TTC3: variants seen among roughly 807,000 people sequenced by gnomAD.
The protein encoded by TTC3 is E3 ubiquitin-protein ligase TTC3.
TTC3 carries 180 observed loss-of-function variants against 249.6 expected under a neutral mutation model. That is an observed-to-expected ratio of 0.72 (90% confidence interval 0.64 to 0.82). The LOEUF (loss-of-function observed/expected upper bound fraction) is 0.82, where lower values mean the gene tolerates loss of function less well. Ranked by LOEUF, TTC3 falls within the 40% of genes least tolerant of loss-of-function variation. The pLI, the probability that TTC3 is intolerant of heterozygous loss-of-function variation, is 0.00. For missense variants in TTC3, 2,061 were observed against 2,398.4 expected (o/e 0.86, Z 2.94); for synonymous variants, 717 against 805.0 (o/e 0.89, Z 1.85).
At chr21:37,174,743 T>G (rs1371940037) in intron 35 of TTC3, among the ~76,000 whole-genome samples, 2 of 152,214 alleles carry the variant, frequency 1.3e-5, no homozygotes, top group African/African-American at 4.8e-5. Flanking sequence ...AGTAGCTTTG[T>G]GATGTTAGAC....
chr21:37,108,990 C>A (rs1478707829), intron 11 of TTC3, among the ~76,000 whole-genome samples: 1 of 151,962 alleles, frequency 6.6e-6, no homozygotes, highest in Non-Finnish European at 1.5e-5. Context: ...ATAAGAAACC[C>A]CGTAGAAAAT....
intron 6 of TTC3, chr21:37,090,551 C>A: frequency 1.1e-6 from 1 of 938,846 alleles, no homozygotes; most frequent in Non-Finnish European, 1.3e-6. Flanking sequence ...GATTATTTAC[C>A]TGGCTTATGT....
At chr21:37,147,333 A>G in intron 21 of TTC3, 148 bp from the exon 22 acceptor site, 1 of 663,456 alleles carries the variant, frequency 1.5e-6, no homozygotes, top group South Asian at 3.4e-5. Context: ...GAAAAACTTT[A>G]AAAGTTGTAT....
intron 1 of TTC3, among the ~76,000 whole-genome samples, chr21:37,084,621 A>G (rs2072162209): frequency 6.6e-6 from 1 of 152,222 alleles, no homozygotes; most frequent in Non-Finnish European, 1.5e-5. Context: ...AGGAAACAAG[A>G]GAGCCAGGAC....
chr21:37,120,315 T>C (rs1248365980), intron 11 of TTC3, among the ~76,000 whole-genome samples: 2 of 152,202 alleles, frequency 1.3e-5, no homozygotes, highest in African/African-American at 4.8e-5. Flanking sequence ...TAGGGAGGTC[T>C]GAATTAAGTC....
intron 32 of TTC3, 147 bp downstream of exon 32, chr21:37,164,362 A>G (rs2081058205): frequency 4.0e-6 from 3 of 745,122 alleles, no homozygotes; most frequent in Non-Finnish European, 6.1e-6. Context: ...TTTTTGAGAC[A>G]GAGTCTTGCT....
At chr21:37,084,029 G>A (rs1178956620) in intron 1 of TTC3, 1 of 152,142 alleles carries the variant, frequency 6.6e-6, no homozygotes, top group Non-Finnish European at 1.5e-5. Context: ...CTCAATAAAA[G>A]GGAAATATTA....
At chr21:37,095,215 C>G in intron 8 of TTC3, 135 bp from the exon 9 acceptor site, 1 of 593,266 alleles carries the variant, frequency 1.7e-6, no homozygotes, top group Non-Finnish European at 3.0e-6. Context: ...ATTGTAATCT[C>G]ATTTTCTACA....
intron 32 of TTC3, among the ~76,000 whole-genome samples, chr21:37,164,552 G>A (rs552647480): frequency 8.2e-4 from 124 of 152,112 alleles, no homozygotes; most frequent in African/African-American, 2.9e-3. Context: ...TGGCCAGGCA[G>A]GTCTCCAACT....
exon 42 of TTC3, chr21:37,195,842 C>A: frequency 6.2e-7 from 1 of 1,614,244 alleles, no homozygotes; most frequent in South Asian, 1.1e-5. Flanking sequence ...CAGGGCCACC[C>A]CCTGGTCAGC....
intron 15 of TTC3, among the ~76,000 whole-genome samples, chr21:37,128,635 C>A (rs2077223321): frequency 1.3e-5 from 2 of 152,162 alleles, no homozygotes; most frequent in Admixed American, 1.3e-4. Context: ...ATTTATATGT[C>A]AATAACAACA....
At chr21:37,167,497 G>A in intron 33 of TTC3, 58 bp from the exon 34 acceptor site, 4 of 1,357,310 alleles carry the variant, frequency 2.9e-6, no homozygotes, top group Admixed American at 1.9e-5. Context: ...TACTTGATGG[G>A]CTTATTTTAC....
chr21:37,074,130 G>A (rs2070456897), intron 1 of TTC3, among the ~76,000 whole-genome samples: 1 of 152,212 alleles, frequency 6.6e-6, no homozygotes, highest in South Asian at 2.1e-4. Context: ...TGGCAGTCCA[G>A]TCCAGGGCCT....
intron 18 of TTC3, among the ~76,000 whole-genome samples, chr21:37,137,330 C>T (rs1011843451): frequency 1.3e-5 from 2 of 152,196 alleles, no homozygotes; most frequent in African/African-American, 4.8e-5. Context: ...AGGATCACCA[C>T]TCTAGATACC....
chr21:37,094,074 G>A (rs780767766), exon 8 of TTC3: 2 of 1,599,686 alleles, frequency 1.3e-6, no homozygotes, highest in African/African-American at 1.3e-5. Context: ...ACTCAAAGTT[G>A]TATGGATTGT....
intron 30 of TTC3, among the ~76,000 whole-genome samples, chr21:37,161,679 G>C (rs2080768564): frequency 6.6e-6 from 1 of 152,152 alleles, no homozygotes; most frequent in South Asian, 2.1e-4. Context: ...GAACAGTTAA[G>C]GAGTTCCAAT....
At chr21:37,078,709 T>C (rs1490274198) in intron 1 of TTC3, among the ~76,000 whole-genome samples, 2 of 152,172 alleles carry the variant, frequency 1.3e-5, no homozygotes, top group African/African-American at 4.8e-5. Context: ...AATTCCTTTG[T>C]GTTTTCTGTG....
chr21:37,143,935 C>T (rs1488585217), intron 20 of TTC3, among the ~76,000 whole-genome samples: 3 of 147,610 alleles, frequency 2.0e-5, no homozygotes, highest in Admixed American at 6.9e-5. Context: ...GAGTTCATGT[C>T]CTTTGTAGGG....
chr21:37,185,341 TCATTTTGAATGAGAATC>T (rs2083142467), intron 36 of TTC3, among the ~76,000 whole-genome samples: 1 of 152,246 alleles, frequency 6.6e-6, no homozygotes, highest in South Asian at 2.1e-4. Context: ...AAGGCTGTTT[TCATTTTGAATGAGAATC>T]CACATCTTCT....
Sources: gnomAD v4.1 joint callset for allele counts (sites outside exome capture counted in the v4.1 genomes callset) on GRCh38, gnomAD v4.1.1 for gene constraint, MANE v1.5 for transcripts, NCBI Gene and HGNC (gene_info 2026-07-23, HGNC 2026-07-21) for gene names.